The following CDC42BPA variants were observed in gnomAD, a reference collection of about 807,000 sequenced individuals.
The protein encoded by CDC42BPA is serine/threonine-protein kinase MRCK alpha.
Under a neutral mutation model 223.5 loss-of-function variants are expected in CDC42BPA, and 80 were observed. That is an observed-to-expected ratio of 0.36 (90% CI 0.30 to 0.43). The LOEUF is 0.43. Among genes scored for constraint, CDC42BPA ranks in the 20% least tolerant of loss-of-function variants. The pLI is 1.00. For missense variants in CDC42BPA, 1,743 were observed against 2,099.9 expected (o/e 0.83, Z 3.32); for synonymous variants, 694 against 718.6 (o/e 0.97, Z 0.55).
chr1:227,280,062 A>T (rs1352437596), intron 1 of CDC42BPA, among the ~76,000 whole-genome samples: 2 of 152,198 alleles, frequency 1.3e-5, no homozygotes, highest in Admixed American at 6.5e-5. Context: ...CATCTCAAAA[A>T]AAAGAAAAAA....
At chr1:227,179,781 T>TG (rs1553379835) in intron 5 of CDC42BPA, among the ~76,000 whole-genome samples, 2 of 29,128 alleles carry the variant, frequency 6.9e-5, no homozygotes, top group South Asian at 8.0e-4. Context: ...CAAAAAAGTT[T>TG]GAAAAAAAAA....
chr1:227,071,190 T>C (rs1678246876), intron 20 of CDC42BPA, among the ~76,000 whole-genome samples: 1 of 151,884 alleles, frequency 6.6e-6, no homozygotes, highest in Admixed American at 6.6e-5. Flanking sequence ...TGTTAGCTTC[T>C]TTATGTGATT....
At chr1:227,008,611 T>C (rs573512345) in intron 34 of CDC42BPA, among the ~76,000 whole-genome samples, 13 of 152,312 alleles carry the variant, frequency 8.5e-5, no homozygotes, top group African/African-American at 9.6e-5. Context: ...CTTTCCTACA[T>C]GCACCTGAAA....
chr1:227,111,159 C>T (rs1415279507), intron 14 of CDC42BPA, among the ~76,000 whole-genome samples: 2 of 152,116 alleles, frequency 1.3e-5, no homozygotes, highest in Admixed American at 1.3e-4. Flanking sequence ...GAGTATGATT[C>T]TTACATGTTA....
intron 6 of CDC42BPA, among the ~76,000 whole-genome samples, chr1:227,153,799 A>C: frequency 6.6e-6 from 1 of 151,974 alleles, no homozygotes; most frequent in East Asian, 1.9e-4. Context: ...ACCCAGGCTA[A>C]GGTGATTTAA....
intron 1 of CDC42BPA, among the ~76,000 whole-genome samples, chr1:227,294,000 G>A (rs1034737286): frequency 2.6e-5 from 4 of 151,538 alleles, no homozygotes; most frequent in African/African-American, 9.7e-5. Flanking sequence ...GGCCAGGCAC[G>A]GTGGCTCACA....
chr1:227,272,622 A>G (rs2148479217), intron 1 of CDC42BPA, among the ~76,000 whole-genome samples: 1 of 152,258 alleles, frequency 6.6e-6, no homozygotes, highest in African/African-American at 2.4e-5. Flanking sequence ...GGATCTCACT[A>G]TGTTGCCCAG....
intron 1 of CDC42BPA, among the ~76,000 whole-genome samples, chr1:227,254,596 C>T (rs1193530840): frequency 6.6e-6 from 1 of 152,142 alleles, no homozygotes; most frequent in Non-Finnish European, 1.5e-5. Flanking sequence ...CTTTAAAATG[C>T]GTTAGCAAAC....
intron 24 of CDC42BPA, 53 bp downstream of exon 24, chr1:227,040,078 T>C: frequency 1.9e-6 from 2 of 1,073,162 alleles, no homozygotes; most frequent in South Asian, 2.5e-5. Context: ...AATCAACTTA[T>C]TTGATTACAA....
rs1461240853 is a variant in CDC42BPA, at chr1:227,195,823, A to T, written c.451-1889T>A. Among the ~76,000 whole-genome samples the T allele has an allele frequency of 2.0e-5, 3 of 152,302 alleles. No individual in the cohort carries two copies. In the East Asian group the frequency reaches 5.8e-4, roughly 29 times the overall value. ...CTAAGGTATATTTATACAAGTTTTT[A>T]AAAAACATAGACTGAGAGGTAATAT... is the stretch of plus-strand genomic sequence containing the variant. On this transcript the variant is annotated intron_variant, in intron 4 of 36. Transcript: ENST00000366766.
At chr1:227,242,099 G>A (rs545902124) in intron 2 of CDC42BPA, among the ~76,000 whole-genome samples, 25 of 152,014 alleles carry the variant, frequency 1.6e-4, no homozygotes, top group Admixed American at 7.2e-4. Flanking sequence ...AAGGCCAACT[G>A]AATTTCTATA....
At chr1:227,071,295 T>C (rs1040603413) in intron 20 of CDC42BPA, among the ~76,000 whole-genome samples, 2 of 151,942 alleles carry the variant, frequency 1.3e-5, no homozygotes, top group Non-Finnish European at 2.9e-5. Context: ...GGAAAGCACT[T>C]AGACCTAATA....
Position 227,126,519 on chromosome 1 carries a change from G to GGAAGGAA in CDC42BPA, c.1513+2589_1513+2590insTTCCTTC, listed in dbSNP as rs1255853712. Among the ~76,000 whole-genome samples, 62 of 80,830 alleles carry GGAAGGAA rather than the reference G, an allele frequency of 7.7e-4. 2 individuals carry two copies. Among genetic ancestry groups the GGAAGGAA allele is most frequent in the African/African-American group, 2.6e-3 (55 of 21,226 alleles). The allele number at this position is 80,830 out of a possible 152,430, so 53.0% of individuals were successfully genotyped here. A position where few individuals can be genotyped will look rare whatever the true frequency, so the allele number is the denominator to read the frequency against. Reference sequence around the variant, plus strand: ...AGGAAGGAAGGAAGGAAGGAAGGAAGGTAAGAAAGGAAAAAGAAGAAAAAA... The same window carrying GGAAGGAA: ...AGGAAGGAAGGAAGGAAGGAAGGAAGGAAGGAAGTAAGAAAGGAAAAAGAAGAAAAAA... On this transcript the variant is annotated intron_variant, in intron 11 of 36. Transcript: ENST00000366766.
chr1:227,291,872 C>G (rs1689759491), intron 1 of CDC42BPA, among the ~76,000 whole-genome samples: 1 of 152,122 alleles, frequency 6.6e-6, no homozygotes, highest in Non-Finnish European at 1.5e-5. Flanking sequence ...AGAAATTGAC[C>G]TGTTTCTTCT....
chr1:227,063,858 TCTGTAA>T (rs1378311303), intron 21 of CDC42BPA, among the ~76,000 whole-genome samples: 55 of 152,326 alleles, frequency 3.6e-4, no homozygotes, highest in African/African-American at 1.2e-3. Context: ...GCCTCGGATT[TCTGTAA>T]CTGATTGTAA....
At chr1:227,111,921 T>C (rs1021736092) in intron 14 of CDC42BPA, 2 of 158,176 alleles carry the variant, frequency 1.3e-5, no homozygotes, top group African/African-American at 4.8e-5. Flanking sequence ...TTTTAGACTA[T>C]GCCCATTATC....
intron 1 of CDC42BPA, among the ~76,000 whole-genome samples, chr1:227,296,659 T>C (rs373127195): frequency 2.0e-5 from 3 of 150,512 alleles, no homozygotes; most frequent in African/African-American, 4.9e-5. Flanking sequence ...AGAGCCGACA[T>C]TGTGCCACTG....
At position 227,080,886 on chromosome 1, in the gene CDC42BPA, C is replaced by G. The variant is rs781187239; in HGVS notation, c.2480+7G>C. 1.2e-6 allele frequency: 2 copies of G among 1,613,322 alleles called. No individual in the cohort carries two copies. Among genetic ancestry groups the G allele is most frequent in the South Asian group, 2.2e-5 (2 of 91,062 alleles). ...ATCCACAAAAAAACGTTTAAAAGAG[C>G]ACTCACCACTGAATTATTTCTGTGA... On this transcript the variant is annotated splice_region_variant and intron_variant, in intron 17 of 36. Transcript: ENST00000366766.
intron 5 of CDC42BPA, among the ~76,000 whole-genome samples, chr1:227,187,214 G>A (rs1295287461): frequency 1.3e-5 from 2 of 152,056 alleles, no homozygotes; most frequent in African/African-American, 2.4e-5. Context: ...GTCAGATATG[G>A]CAACAATGTT....
Sources: gnomAD v4.1 joint callset for allele counts (sites outside exome capture counted in the v4.1 genomes callset) on GRCh38, gnomAD v4.1.1 for gene constraint, MANE v1.5 for transcripts, NCBI Gene and HGNC (gene_info 2026-07-23, HGNC 2026-07-21) for gene names.